SMYD4: variants seen among roughly 807,000 people sequenced by gnomAD.
SMYD4 encodes SET and MYND domain containing 4.
SMYD4 carries 68 observed loss-of-function variants against 72.8 expected under a neutral mutation model. That is an observed-to-expected ratio of 0.93 (90% CI 0.77 to 1.14). SMYD4 has a LOEUF of 1.14. SMYD4 is among the 50% of genes most tolerant of loss of function. The pLI is 0.00. For missense variants in SMYD4, 984 were observed against 1,003.7 expected (o/e 0.98, Z 0.27); for synonymous variants, 407 against 388.6 (o/e 1.05, Z -0.56).
intron 2 of SMYD4, among the ~76,000 whole-genome samples, chr17:1,818,485 C>G (rs896816373): frequency 6.6e-6 from 1 of 152,130 alleles, no homozygotes; most frequent in Admixed American, 6.6e-5. Flanking sequence ...ATCATTATCA[C>G]TAAAAAATTA....
chr17:1,823,449 T>G, intron 2 of SMYD4, among the ~76,000 whole-genome samples: 1 of 132,122 alleles, frequency 7.6e-6, no homozygotes, highest in Non-Finnish European at 1.6e-5. Context: ...AAAGTTCACA[T>G]GGGGGAAATG....
Position 1,824,075 on chromosome 17 carries a change from G to A in SMYD4, c.134+3786C>T, listed in dbSNP as rs545233907. 9.8e-5 allele frequency among the ~76,000 whole-genome samples: 15 copies of A among 152,292 alleles called. No homozygotes were observed. In the South Asian group the frequency reaches 2.9e-3, roughly 29 times the overall value. ...ATGACACTATAGGCCAGGTGGGGTG[G>A]CTCACGCCTGTAATTCCAGGACTTT... On this transcript the variant is annotated intron_variant, in intron 2 of 10. Transcript: ENST00000305513.
At chr17:1,810,712 G>GC (rs915434998) in intron 3 of SMYD4, among the ~76,000 whole-genome samples, 5 of 152,146 alleles carry the variant, frequency 3.3e-5, no homozygotes, top group African/African-American at 7.2e-5. Flanking sequence ...GGTTTGCCAC[G>GC]CCCCCCAGCC....
In SMYD4 at chr17:1,811,871, G is replaced by A. The variant is rs141738008; in HGVS notation, c.279+100C>T. On this transcript the variant is annotated intron_variant, in intron 3 of 10. Coordinates refer to ENST00000305513, the MANE Select transcript of SMYD4 (RefSeq NM_052928.3). ...GAACCCAGGAGGCGAATGTTGCAGT[G>A]AGCTGAGATTATACCACTGTACTCC... is the stretch of plus-strand genomic sequence containing the variant. 2,201 of 1,328,684 alleles carry A rather than the reference G, an allele frequency of 1.7e-3. 32 individuals are homozygous for A. In the African/African-American group the frequency reaches 0.028, roughly 17 times the overall value. 82.3% of individuals were successfully genotyped at this position (1,328,684 alleles called of 1,614,324 possible).
intron 2 of SMYD4, among the ~76,000 whole-genome samples, chr17:1,816,444 C>A (rs1910598971): frequency 6.6e-6 from 1 of 151,410 alleles, no homozygotes; most frequent in Non-Finnish European, 1.5e-5. Flanking sequence ...AAGGTGAAAC[C>A]CCCGTCTCTA....
chr17:1,824,211 C>T (rs1157534729), intron 2 of SMYD4, among the ~76,000 whole-genome samples: 1 of 152,056 alleles, frequency 6.6e-6, no homozygotes, highest in Non-Finnish European at 1.5e-5. Context: ...GGCATGATGG[C>T]GTGTGCCTGT....
intron 2 of SMYD4, among the ~76,000 whole-genome samples, chr17:1,827,556 C>A (rs1369895475): frequency 6.6e-6 from 1 of 152,048 alleles, no homozygotes; most frequent in African/African-American, 2.4e-5. Flanking sequence ...GCTAATCCTG[C>A]AGGATGACAG....
intron 2 of SMYD4, among the ~76,000 whole-genome samples, chr17:1,817,383 C>T (rs896080093): frequency 2.0e-5 from 3 of 152,034 alleles, no homozygotes; most frequent in Non-Finnish European, 2.9e-5. Flanking sequence ...GTCGCCCAGG[C>T]TGGAGTGTAG....
intron 8 of SMYD4, among the ~76,000 whole-genome samples, chr17:1,784,102 A>G (rs1271184202): frequency 6.6e-6 from 1 of 152,256 alleles, no homozygotes; most frequent in Non-Finnish European, 1.5e-5. Flanking sequence ...AATCAGATGC[A>G]GAAGAAAACA....
chr17:1,802,662 C>G (rs73297040), intron 4 of SMYD4, among the ~76,000 whole-genome samples: 1 of 152,154 alleles, frequency 6.6e-6, no homozygotes, highest in Non-Finnish European at 1.5e-5. Flanking sequence ...GTCTGAAGGG[C>G]AGTAAGTGTG....
intron 2 of SMYD4, among the ~76,000 whole-genome samples, chr17:1,824,574 C>T (rs191911565): frequency 1.3e-5 from 2 of 151,954 alleles, no homozygotes; most frequent in East Asian, 1.9e-4. Context: ...ATGCTGTTCT[C>T]GTGATAGTGA....
At chr17:1,810,692 A>G (rs937783924) in intron 3 of SMYD4, among the ~76,000 whole-genome samples, 2 of 152,216 alleles carry the variant, frequency 1.3e-5, no homozygotes, top group Non-Finnish European at 1.5e-5. Context: ...GCATTTTCCA[A>G]GACCACCCTG....
chr17:1,826,491 C>CAAAAAAAAAAA (rs111636314), intron 2 of SMYD4, among the ~76,000 whole-genome samples: 33 of 103,032 alleles, frequency 3.2e-4, no homozygotes, highest in Admixed American at 5.1e-4. Context: ...AAACTCTGTC[C>CAAAAAAAAAAA]AAAAAAAAAA....
chr17:1,809,936 C>T (rs1402397866), intron 3 of SMYD4, among the ~76,000 whole-genome samples: 5 of 152,102 alleles, frequency 3.3e-5, no homozygotes, highest in Non-Finnish European at 7.4e-5. Flanking sequence ...GCTGGGATTA[C>T]AGGTGTGAGC....
At chr17:1,818,347 A>T (rs1248582978) in intron 2 of SMYD4, among the ~76,000 whole-genome samples, 1 of 152,190 alleles carries the variant, frequency 6.6e-6, no homozygotes, top group Non-Finnish European at 1.5e-5. Context: ...TACCTGGGAC[A>T]TATCCACATA....
chr17:1,827,589 C>T lies in SMYD4; in HGVS notation c.134+272G>A, dbSNP rs184066675. ...CAGAAGTGAATTAGTTCACAGGACA[C>T]GCTGGGATAGAAACGAACCAGGAAA... On this transcript the variant is annotated intron_variant, in intron 2 of 10. Transcript: ENST00000305513. 4.4e-4 allele frequency among the ~76,000 whole-genome samples: 67 copies of T among 152,158 alleles called. 1 individual carries two copies. The highest frequency in any genetic ancestry group is 4.6e-4 in the Admixed American group (7 of 15,252).
intron 3 of SMYD4, among the ~76,000 whole-genome samples, chr17:1,808,184 A>G (rs4480847): frequency 0.36 from 54,598 of 152,050 alleles, 11,231 homozygotes; most frequent in African/African-American, 0.57. Flanking sequence ...ATTTACATAG[A>G]AAGATGCTCA....
At chr17:1,806,050 G>A (rs1462471787) in intron 3 of SMYD4, among the ~76,000 whole-genome samples, 2 of 150,470 alleles carry the variant, frequency 1.3e-5, no homozygotes, top group East Asian at 2.0e-4. Flanking sequence ...CAGTGCCCCC[G>A]AGTAGCTGGG....
chr17:1,807,250 G>C (rs1030476668), intron 3 of SMYD4, among the ~76,000 whole-genome samples: 1 of 151,568 alleles, frequency 6.6e-6, no homozygotes, highest in Non-Finnish European at 1.5e-5. Flanking sequence ...AACAAGCATC[G>C]ATCCACAGGA....
Sources: gnomAD v4.1 joint callset for allele counts (sites outside exome capture counted in the v4.1 genomes callset) on GRCh38, gnomAD v4.1.1 for gene constraint, MANE v1.5 for transcripts, NCBI Gene and HGNC (gene_info 2026-07-23, HGNC 2026-07-21) for gene names.